LRP2: variants seen among roughly 807,000 people sequenced by gnomAD.
LRP2 encodes the protein low-density lipoprotein receptor-related protein 2.
LRP2 carries 172 observed loss-of-function variants against 531.0 expected under a neutral mutation model. The observed-to-expected ratio is 0.32, with a 90% CI of 0.29 to 0.37. The LOEUF is 0.37. Ranked by LOEUF, LRP2 falls within the 10% of genes least tolerant of loss-of-function variation. The pLI, the probability that LRP2 is intolerant of heterozygous loss-of-function variation, is 1.00. For synonymous variants in LRP2, 1,992 were observed against 2,027.6 expected (o/e 0.98, Z 0.47); for missense variants, 5,167 against 5,868.3 (o/e 0.88, Z 3.90).
At position 169,212,298 on chromosome 2, in the gene LRP2, A is replaced by T. The variant is rs1000102020; in HGVS notation, c.6041-91T>A. The T allele has an allele frequency of 8.5e-6, 13 of 1,521,578 alleles. No homozygotes were observed. In the East Asian group the frequency reaches 2.5e-4, roughly 29 times the overall value. The allele number at this position is 1,521,578 out of a possible 1,614,324, so 94.3% of individuals were successfully genotyped here. On this transcript the variant is annotated intron_variant, in intron 36 of 78. Coordinates refer to ENST00000649046, the MANE Select transcript of LRP2 (RefSeq NM_004525.3). ...CTTTAATTGGGTCACCAAATAATTT[A>T]TTCTAAAAATTAATAACCAACATAT...
At chr2:169,324,036 T>G (rs1203022348) in intron 1 of LRP2, among the ~76,000 whole-genome samples, 2 of 152,132 alleles carry the variant, frequency 1.3e-5, no homozygotes, top group Non-Finnish European at 2.9e-5. Context: ...GAATAGATGG[T>G]GCAAAGATGA....
Position 169,279,372 on chromosome 2 carries a change from C to G in LRP2, c.1565G>C (p.Gly522Ala). 6.2e-7 allele frequency: 1 copy of G among 1,610,966 alleles called. No individual in the cohort carries two copies. The highest frequency in any genetic ancestry group is 8.5e-7 in the Non-Finnish European group (1 of 1,177,190). ...ATCAATATGTTTTCACATCACTTAC[C>G]CAACAGTTGGGTCCACGGCAATTCC... ...PRGIAVDPTVGYLFFSDWESL... is the reference protein window; with the variant it reads ...PRGIAVDPTVAYLFFSDWESL... The change falls in exon 12 of 79, where the codon GGT becomes GCT. Residue 522 changes from glycine to alanine, a missense_variant and splice_region_variant. Coordinates refer to ENST00000649046, the MANE Select transcript of LRP2 (RefSeq NM_004525.3).
In LRP2 at chr2:169,200,265, A is replaced by AT. The variant is rs199890301; in HGVS notation, c.8453-1355dup. On this transcript the variant is annotated intron_variant, in intron 44 of 78. Coordinates refer to ENST00000649046, the MANE Select transcript of LRP2 (RefSeq NM_004525.3). The stretch of plus-strand genomic sequence containing the variant: ...GACTCCATCTCAAAAAAATAAAAAA[A>AT]TTTTTTTTCCTTAAAAACTGTATTT... 2.0e-5 allele frequency among the ~76,000 whole-genome samples: 3 copies of AT among 152,044 alleles called. No homozygotes were observed. In the South Asian group the frequency reaches 6.2e-4, roughly 32 times the overall value.
In LRP2 at chr2:169,203,752, G is replaced by A. The variant is rs570627745; in HGVS notation, c.8005+230C>T. 2.0e-4 allele frequency among the ~76,000 whole-genome samples: 31 copies of A among 152,220 alleles called. 1 individual carries two copies. Among genetic ancestry groups the A allele is most frequent in the South Asian group, 1.4e-3 (7 of 4,828 alleles). On this transcript the variant is annotated intron_variant, in intron 42 of 78. Coordinates refer to ENST00000649046, the MANE Select transcript of LRP2 (RefSeq NM_004525.3). ...AGCCTGGGCGACAGAGTGAGACTCC[G>A]TCTCAAAAATAAAATAAAAGAAAAT...
intron 61 of LRP2, 51 bp downstream of exon 61, chr2:169,168,488 A>C (rs1686872047): frequency 6.2e-7 from 1 of 1,609,900 alleles, no homozygotes; most frequent in Non-Finnish European, 8.5e-7. Flanking sequence ...AGAAACAATG[A>C]GATTTGACAG....
chr2:169,157,228 T>A (rs1686364655), intron 64 of LRP2, 143 bp downstream of exon 64: 2 of 838,326 alleles, frequency 2.4e-6, no homozygotes, highest in South Asian at 1.8e-5. Flanking sequence ...AATTCTTGAG[T>A]AGTTTAATGA....
At position 169,277,771 on chromosome 2, in the gene LRP2, T is replaced by C. The variant is rs1238210081; in HGVS notation, c.1746A>G (p.Glu582=). 9.9e-6 allele frequency: 16 copies of C among 1,613,994 alleles called. No individual in the cohort carries two copies. The highest frequency in any genetic ancestry group is 1.4e-5 in the Non-Finnish European group (16 of 1,179,996). ...YWVDSRFDYI[E]TVTYDGIQRK... is the part of the protein sequence containing the mutation. Reference sequence around the variant, plus strand: ...TTTGAATTCCATCATAAGTTACAGTTTCAATGTAATCAAACCGAGAGTCAA... The same window carrying C: ...TTTGAATTCCATCATAAGTTACAGTCTCAATGTAATCAAACCGAGAGTCAA... The change falls in exon 13 of 79, where the codon GAA becomes GAG. Residue 582 remains glutamate, a synonymous_variant. Coordinates refer to ENST00000649046, the MANE Select transcript of LRP2 (RefSeq NM_004525.3).
At chr2:169,308,295 A>T (rs1684483644) in intron 3 of LRP2, among the ~76,000 whole-genome samples, 1 of 152,058 alleles carries the variant, frequency 6.6e-6, no homozygotes, top group South Asian at 2.1e-4. Flanking sequence ...ACATATGTAT[A>T]CATCTGCCAT....
At chr2:169,361,332 C>CTCTCTG (rs1686145179) in intron 1 of LRP2, among the ~76,000 whole-genome samples, 2 of 59,720 alleles carry the variant, frequency 3.3e-5, no homozygotes, top group African/African-American at 1.4e-4. Context: ...CTCTCTCTGT[C>CTCTCTG]TCTCTCTGTC....
rs189946061 is a variant in LRP2, at chr2:169,307,526, C to A, written c.311-129G>T. Reference sequence around the variant, plus strand: ...ACAAGGTAAAGTACCTGGCTACCACCAAGCTGAGCTTACAAAGCAAAAACA... The same window carrying A: ...ACAAGGTAAAGTACCTGGCTACCACAAAGCTGAGCTTACAAAGCAAAAACA... On this transcript the variant is annotated intron_variant, in intron 3 of 78. Transcript: ENST00000649046. The A allele has an allele frequency of 4.5e-3, 3,082 of 687,712 alleles. 20 individuals carry two copies. The highest frequency in any genetic ancestry group is 4.9e-3 in the Non-Finnish European group (1,866 of 382,488). 42.6% of individuals were successfully genotyped at this position (687,712 alleles called of 1,614,324 possible).
intron 34 of LRP2, among the ~76,000 whole-genome samples, chr2:169,216,817 C>G (rs968100001): frequency 6.6e-6 from 1 of 152,174 alleles, no homozygotes; most frequent in Admixed American, 6.5e-5. Context: ...CAAGTACACT[C>G]CCTGATCACT....
At chr2:169,254,798 C>A (rs1282689425) in intron 19 of LRP2, among the ~76,000 whole-genome samples, 1 of 151,862 alleles carries the variant, frequency 6.6e-6, no homozygotes, top group Non-Finnish European at 1.5e-5. Context: ...CAAAACATCC[C>A]AGCCCAGAGC....
intron 39 of LRP2, 59 bp from the exon 40 acceptor site, chr2:169,206,247 T>A: frequency 1.2e-6 from 2 of 1,612,450 alleles, no homozygotes; most frequent in East Asian, 4.5e-5. Context: ...GAGTCTCATA[T>A]GCATTAGAAA....
chr2:169,318,633 G>T (rs2105512904), intron 3 of LRP2, 129 bp downstream of exon 3: 7 of 1,284,930 alleles, frequency 5.4e-6, no homozygotes, highest in Non-Finnish European at 1.1e-6. Context: ...TGCTGGCATA[G>T]GTTCCCTTAT....
intron 68 of LRP2, among the ~76,000 whole-genome samples, chr2:169,150,028 G>C (rs539200515): frequency 1.3e-5 from 2 of 151,994 alleles, no homozygotes; most frequent in East Asian, 3.9e-4. Flanking sequence ...GTGTAGATAA[G>C]ATATAAGCAG....
rs142233239 is a variant in LRP2, at chr2:169,276,014, T to C, written c.1773-776A>G. On this transcript the variant is annotated intron_variant, in intron 13 of 78. Coordinates refer to ENST00000649046, the MANE Select transcript of LRP2 (RefSeq NM_004525.3). Reference sequence around the variant, plus strand: ...AACTCTTATTTTCTTTATTTTGGCGTAATACAAAGACCTCAAAGAAAAATC... The same window carrying C: ...AACTCTTATTTTCTTTATTTTGGCGCAATACAAAGACCTCAAAGAAAAATC... 5.5e-3 allele frequency among the ~76,000 whole-genome samples: 842 copies of C among 152,006 alleles called. 8 individuals are homozygous for C. Among genetic ancestry groups the C allele is most frequent in the African/African-American group, 0.017 (709 of 41,440 alleles).
intron 33 of LRP2, among the ~76,000 whole-genome samples, chr2:169,223,667 T>C (rs942808334): frequency 5.3e-5 from 8 of 152,204 alleles, no homozygotes; most frequent in African/African-American, 1.7e-4. Flanking sequence ...GCAGTGAAGC[T>C]GACCATTTAA....
chr2:169,308,850 G>A (rs1411314263), intron 3 of LRP2, among the ~76,000 whole-genome samples: 1 of 152,136 alleles, frequency 6.6e-6, no homozygotes, highest in South Asian at 2.1e-4. Context: ...CAGTGTAAAA[G>A]TGTTCCTATT....
At chr2:169,267,844 T>C (rs915618797) in intron 16 of LRP2, among the ~76,000 whole-genome samples, 1 of 151,626 alleles carries the variant, frequency 6.6e-6, no homozygotes, top group Non-Finnish European at 1.5e-5. Context: ...ATGAACAAAA[T>C]TGATAGACCG....
Sources: gnomAD v4.1 joint callset for allele counts (sites outside exome capture counted in the v4.1 genomes callset) on GRCh38, gnomAD v4.1.1 for gene constraint, MANE v1.5 for transcripts, NCBI Gene and HGNC (gene_info 2026-07-23, HGNC 2026-07-21) for gene names.